FOXP1: variants seen among roughly 807,000 people sequenced by gnomAD.
FOXP1 encodes forkhead box P1.
FOXP1 carries 15 observed loss-of-function variants against 98.2 expected under a neutral mutation model. The ratio of observed to expected loss-of-function variants is 0.15; its 90% CI spans 0.10 to 0.24. FOXP1 has a LOEUF of 0.24. Ranked by LOEUF, FOXP1 falls within the 10% of genes least tolerant of loss-of-function variation. The pLI is 1.00. For synonymous variants in FOXP1, 371 were observed against 314.5 expected (o/e 1.18, Z -1.90); for missense variants, 633 against 848.5 (o/e 0.75, Z 3.15).
intron 4 of FOXP1, among the ~76,000 whole-genome samples, chr3:71,320,980 T>C (rs907326437): frequency 2.0e-5 from 3 of 152,158 alleles, no homozygotes; most frequent in African/African-American, 7.2e-5. Flanking sequence ...TTATTGTTTA[T>C]GATACAGTGC....
At chr3:71,041,263 G>T in intron 11 of FOXP1, 65 bp downstream of exon 11, 1 of 1,314,944 alleles carries the variant, frequency 7.6e-7, no homozygotes, top group Non-Finnish European at 1.1e-6. Context: ...ATATGACGAG[G>T]CAGGGCCACC....
chr3:70,965,250 C>CT (rs2034503543), intron 20 of FOXP1, among the ~76,000 whole-genome samples: 2 of 152,346 alleles, frequency 1.3e-5, no homozygotes, highest in African/African-American at 4.8e-5. Flanking sequence ...GTCTCCTGGC[C>CT]TCCGCCTTTC....
At chr3:71,378,485 C>T (rs2079899034) in intron 3 of FOXP1, among the ~76,000 whole-genome samples, 1 of 152,120 alleles carries the variant, frequency 6.6e-6, no homozygotes, top group African/African-American at 2.4e-5. Flanking sequence ...CCACTCTGTC[C>T]TACCCACATG....
At chr3:71,329,891 T>G (rs1041149019) in intron 4 of FOXP1, 1 of 152,174 alleles carries the variant, frequency 6.6e-6, no homozygotes, top group Non-Finnish European at 1.5e-5. Context: ...GAGTGTTCAT[T>G]TGACAAGACA....
intron 2 of FOXP1, among the ~76,000 whole-genome samples, chr3:71,504,554 C>CAGTA (rs1167388991): frequency 2.0e-5 from 3 of 152,144 alleles, no homozygotes; most frequent in African/African-American, 7.2e-5. Flanking sequence ...TTCAGCACAA[C>CAGTA]AGTAAGTAGA....
At chr3:70,963,309 T>G (rs1040330047) in intron 20 of FOXP1, among the ~76,000 whole-genome samples, 2 of 152,206 alleles carry the variant, frequency 1.3e-5, no homozygotes, top group Non-Finnish European at 2.9e-5. Flanking sequence ...TTTAGAGAAG[T>G]GAAATCCGAT....
intron 3 of FOXP1, among the ~76,000 whole-genome samples, chr3:71,431,367 C>G (rs2084701504): frequency 6.6e-6 from 1 of 152,076 alleles, no homozygotes; most frequent in Non-Finnish European, 1.5e-5. Context: ...GTGGTTTTCT[C>G]AGCGACTTAA....
chr3:71,015,070 T>A (rs2044244634), intron 12 of FOXP1, among the ~76,000 whole-genome samples: 1 of 151,594 alleles, frequency 6.6e-6, no homozygotes, highest in Non-Finnish European at 1.5e-5. Context: ...CACACCAACA[T>A]GGCACATGTA....
Position 71,263,446 on chromosome 3 carries a change from T to G in FOXP1, c.-12+36374A>C, listed in dbSNP as rs9820763. The stretch of plus-strand genomic sequence containing the variant: ...TGTCTACTCAGGCTGGGGCCTGAAT[T>G]AAATGCTTGACCTTCCTTCTCAGTC... On this transcript the variant is annotated intron_variant, in intron 5 of 20. Coordinates refer to ENST00000649528, the MANE Select transcript of FOXP1 (RefSeq NM_001349338.3). Among the ~76,000 whole-genome samples the G allele has an allele frequency of 8.6e-3, 1,309 of 152,294 alleles. 17 individuals are homozygous for G. The highest frequency in any genetic ancestry group is 0.03 in the African/African-American group (1,232 of 41,546).
At chr3:71,483,029 G>C (rs952707500) in intron 3 of FOXP1, among the ~76,000 whole-genome samples, 3 of 151,564 alleles carry the variant, frequency 2.0e-5, no homozygotes, top group Non-Finnish European at 4.4e-5. Flanking sequence ...TTGTAGAGAT[G>C]GGGTCTCACT....
intron 2 of FOXP1, among the ~76,000 whole-genome samples, chr3:71,577,597 T>C (rs190239054): frequency 9.4e-4 from 143 of 152,200 alleles, no homozygotes; most frequent in African/African-American, 3.2e-3. Flanking sequence ...AAGAGAAATA[T>C]GTTGAAAAAT....
intron 3 of FOXP1, among the ~76,000 whole-genome samples, chr3:71,461,118 C>T (rs1045470947): frequency 6.6e-6 from 1 of 152,128 alleles, no homozygotes; most frequent in Non-Finnish European, 1.5e-5. Context: ...AAGACTTTGT[C>T]CATTCTTGAG....
chr3:71,317,720 G>C (rs1044501339), intron 4 of FOXP1, among the ~76,000 whole-genome samples: 3 of 151,124 alleles, frequency 2.0e-5, no homozygotes, highest in Admixed American at 2.0e-4. Flanking sequence ...AAACTATTTT[G>C]GTACCTGTCC....
intron 3 of FOXP1, among the ~76,000 whole-genome samples, chr3:71,380,263 C>G (rs1255738265): frequency 1.3e-5 from 2 of 152,148 alleles, no homozygotes; most frequent in African/African-American, 4.8e-5. Context: ...CCAAGAACAT[C>G]AGGTTGGCCA....
intron 3 of FOXP1, among the ~76,000 whole-genome samples, chr3:71,454,978 C>T (rs565798755): frequency 2.0e-5 from 3 of 151,986 alleles, no homozygotes; most frequent in African/African-American, 7.3e-5. Flanking sequence ...TTAAACTGAT[C>T]GACATTTGGT....
chr3:71,281,694 A>G (rs769437002), intron 5 of FOXP1, among the ~76,000 whole-genome samples: 5 of 152,224 alleles, frequency 3.3e-5, no homozygotes, highest in Non-Finnish European at 5.9e-5. Flanking sequence ...ACCTGTTCAC[A>G]GTACTTCAGT....
intron 13 of FOXP1, among the ~76,000 whole-genome samples, chr3:70,998,183 T>C (rs925147405): frequency 3.9e-5 from 6 of 152,214 alleles, no homozygotes; most frequent in Admixed American, 1.3e-4. Context: ...ATCATAAATA[T>C]TTTCAGCTTT....
intron 3 of FOXP1, among the ~76,000 whole-genome samples, chr3:71,365,141 G>GT (rs1465065144): frequency 6.6e-6 from 1 of 152,074 alleles, no homozygotes; most frequent in African/African-American, 2.4e-5. Context: ...TTGATTGAGG[G>GT]TTTTGCACAT....
chr3:71,301,486 G>C (rs536159621), intron 4 of FOXP1, among the ~76,000 whole-genome samples: 1 of 152,268 alleles, frequency 6.6e-6, no homozygotes, highest in South Asian at 2.1e-4. Flanking sequence ...TAAAGCAAGT[G>C]AACTTTGGCA....
Sources: allele counts gnomAD v4.1 joint callset (sites outside exome capture counted in the v4.1 genomes callset), GRCh38; gene constraint gnomAD v4.1.1; transcripts MANE v1.5; gene names NCBI Gene and HGNC (gene_info 2026-07-23, HGNC 2026-07-21).